PLXDC2: variants seen among roughly 807,000 people sequenced by gnomAD.
The protein encoded by PLXDC2 is plexin domain containing 2, also known as plexin domain-containing protein 2.
In PLXDC2, 40 loss-of-function variants were observed where a neutral mutation model predicts 68.9. The ratio of observed to expected loss-of-function variants is 0.58; its 90% confidence interval spans 0.45 to 0.76. The LOEUF is 0.76. Ranked by LOEUF, PLXDC2 falls within the 30% of genes least tolerant of loss-of-function variation. The probability of loss-of-function intolerance (pLI) is 0.00; values close to 1 mark genes in which losing one functional copy is unlikely to be tolerated. For missense variants in PLXDC2, 644 were observed against 661.9 expected (o/e 0.97, Z 0.30); for synonymous variants, 243 against 234.2 (o/e 1.04, Z -0.34).
intron 1 of PLXDC2, among the ~76,000 whole-genome samples, chr10:19,830,818 A>G (rs1259507248): frequency 3.3e-5 from 5 of 152,124 alleles, no homozygotes; most frequent in Admixed American, 1.3e-4. Context: ...GGACTGCCCA[A>G]TGTGATAAAG....
At chr10:20,122,071 A>C (rs1426818806) in intron 4 of PLXDC2, among the ~76,000 whole-genome samples, 2 of 151,882 alleles carry the variant, frequency 1.3e-5, no homozygotes, top group Non-Finnish European at 2.9e-5. Flanking sequence ...AAGGGCAGCC[A>C]TGAGATGTAA....
intron 6 of PLXDC2, among the ~76,000 whole-genome samples, chr10:20,164,021 T>C (rs1834340593): frequency 1.3e-5 from 2 of 152,194 alleles, no homozygotes; most frequent in South Asian, 4.1e-4. Flanking sequence ...CTAGATTTTA[T>C]ATCTATAAGA....
chr10:20,183,413 C>G (rs1317264933), intron 9 of PLXDC2, among the ~76,000 whole-genome samples: 1 of 151,870 alleles, frequency 6.6e-6, no homozygotes, highest in Non-Finnish European at 1.5e-5. Flanking sequence ...CATTTACATA[C>G]AGGTATGTTT....
chr10:19,930,023 T>C (rs529512344), intron 1 of PLXDC2, among the ~76,000 whole-genome samples: 17 of 150,740 alleles, frequency 1.1e-4, no homozygotes, highest in South Asian at 2.1e-4. Flanking sequence ...CAGAAGAGCA[T>C]AGATGCTCAT....
In PLXDC2 at chr10:20,283,920, G is replaced by C. The variant is rs1044592717; in HGVS notation, c.*4101G>C. 2.0e-5 allele frequency: 3 copies of C among 152,042 alleles called. No individual in the cohort carries two copies. Among genetic ancestry groups the C allele is most frequent in the Admixed American group, 2.0e-4 (3 of 15,270 alleles). The allele number at this position is 152,042 out of a possible 1,614,324, so 9.4% of individuals were successfully genotyped here. Reference sequence around the variant, plus strand: ...TTATTTTAAATTATGCTAATATCCAGATACATATTCTAAGGTTAGTATCAT... The same window carrying C: ...TTATTTTAAATTATGCTAATATCCACATACATATTCTAAGGTTAGTATCAT... On this transcript the variant is annotated 3_prime_UTR_variant, in exon 14 of 14. Transcript: ENST00000377252.
At chr10:19,889,622 C>A (rs192938731) in intron 1 of PLXDC2, among the ~76,000 whole-genome samples, 269 of 152,266 alleles carry the variant, frequency 1.8e-3, no homozygotes, top group Non-Finnish European at 3.0e-3. Flanking sequence ...GCCTTTCCAA[C>A]ATGTCTTACT....
At chr10:19,828,864 C>T (rs1836626876) in intron 1 of PLXDC2, among the ~76,000 whole-genome samples, 1 of 152,134 alleles carries the variant, frequency 6.6e-6, no homozygotes, top group South Asian at 2.1e-4. Flanking sequence ...GCCTTTCTAG[C>T]CTGGCTGACT....
rs1836364211 is a variant in PLXDC2 at position 19,817,115 on chromosome 10, A to G, written c.36A>G (p.Ala12=). ...TCCCGAAGGCCGACCTGGCCGCTGC[A>G]GGAGTTATGTTACTTTGCCACTTCT... ...ARFPKADLAA[A]GVMLLCHFFT... Residue 12 remains alanine (A), a synonymous_variant, in exon 1 of 14, where the codon GCA becomes GCG. Transcript: ENST00000377252. 10 of 1,569,088 alleles carry G rather than the reference A, an allele frequency of 6.4e-6. No homozygotes were observed. The highest frequency in any genetic ancestry group is 8.7e-6 in the Non-Finnish European group (10 of 1,154,452).
chr10:19,930,467 A>G (rs1833609493), intron 1 of PLXDC2, among the ~76,000 whole-genome samples: 1 of 152,172 alleles, frequency 6.6e-6, no homozygotes, highest in Non-Finnish European at 1.5e-5. Flanking sequence ...TTATCAATGA[A>G]ATGCAATGAA....
intron 1 of PLXDC2, among the ~76,000 whole-genome samples, chr10:19,892,237 C>T (rs1410282960): frequency 6.6e-6 from 1 of 152,138 alleles, no homozygotes; most frequent in East Asian, 1.9e-4. Context: ...ATTCTTACAA[C>T]CACTTAAGGA....
chr10:20,174,012 T>C (rs1017268015), intron 7 of PLXDC2, among the ~76,000 whole-genome samples: 2 of 152,186 alleles, frequency 1.3e-5, no homozygotes, highest in Non-Finnish European at 2.9e-5. Flanking sequence ...TTCTCTTTAC[T>C]CCATACGCAC....
chr10:20,164,047 G>C (rs1834340878), intron 6 of PLXDC2, among the ~76,000 whole-genome samples: 1 of 152,002 alleles, frequency 6.6e-6, no homozygotes, highest in Admixed American at 6.6e-5. Flanking sequence ...TATAAACAAA[G>C]ATTTTCTAAA....
chr10:19,912,487 G>A (rs1292482711), intron 1 of PLXDC2, among the ~76,000 whole-genome samples: 2 of 151,966 alleles, frequency 1.3e-5, no homozygotes, highest in Non-Finnish European at 2.9e-5. Context: ...AGCAAATCCT[G>A]CCTTAATTAC....
chr10:19,948,462 C>G (rs765899106), intron 1 of PLXDC2, among the ~76,000 whole-genome samples: 2 of 147,250 alleles, frequency 1.4e-5, no homozygotes, highest in Non-Finnish European at 3.0e-5. Context: ...ATCTTCCATT[C>G]TACTCTTACT....
chr10:19,841,693 G>A (rs979405163), intron 1 of PLXDC2, among the ~76,000 whole-genome samples: 13 of 151,752 alleles, frequency 8.6e-5, no homozygotes, highest in South Asian at 2.1e-4. Flanking sequence ...TACCTCATTC[G>A]TGACTTTGAG....
In PLXDC2 at chr10:20,189,942, C is replaced by G. The variant is rs1477826319; in HGVS notation, c.1061+12533C>G. 3.3e-5 allele frequency among the ~76,000 whole-genome samples: 5 copies of G among 151,662 alleles called. No homozygotes were observed. The East Asian group carries it at 9.7e-4, about 30-fold the overall frequency. On this transcript the variant is annotated intron_variant, in intron 9 of 13. Coordinates refer to ENST00000377252, the MANE Select transcript of PLXDC2 (RefSeq NM_032812.9). Reference sequence around the variant, plus strand: ...AACTCGGAAGAAATAGGTGCTTAAGCCAAGTTCTCCTAATAACTAAGTCCC... The same window carrying G: ...AACTCGGAAGAAATAGGTGCTTAAGGCAAGTTCTCCTAATAACTAAGTCCC...
intron 13 of PLXDC2, among the ~76,000 whole-genome samples, chr10:20,255,444 A>G (rs1564368766): frequency 6.6e-6 from 1 of 152,184 alleles, no homozygotes; most frequent in Non-Finnish European, 1.5e-5. Context: ...TCCTTGTGAC[A>G]TTGGTTAATT....
At chr10:19,880,378 G>A (rs1475360) in intron 1 of PLXDC2, among the ~76,000 whole-genome samples, 117,911 of 152,150 alleles carry the variant, frequency 0.77, 46,237 homozygotes, top group African/African-American at 0.9. Context: ...TGCCTATGAT[G>A]AAGTTTAAAT....
intron 12 of PLXDC2, among the ~76,000 whole-genome samples, chr10:20,219,502 A>C (rs1835183336): frequency 6.6e-6 from 1 of 152,196 alleles, no homozygotes; most frequent in Non-Finnish European, 1.5e-5. Context: ...GCAAGTATGA[A>C]AATATATTGT....
Sources: allele counts gnomAD v4.1 joint callset (sites outside exome capture counted in the v4.1 genomes callset), GRCh38; gene constraint gnomAD v4.1.1; transcripts MANE v1.5; gene names NCBI Gene and HGNC (gene_info 2026-07-23, HGNC 2026-07-21).